PRKCE: variants seen among roughly 807,000 people sequenced by gnomAD.
PRKCE encodes the protein protein kinase C epsilon type.
A neutral mutation model predicts 85.4 loss-of-function variants in PRKCE; 16 were observed. The observed-to-expected ratio is 0.19, with a 90% CI of 0.13 to 0.28. The LOEUF is 0.28. Ranked by LOEUF, PRKCE falls within the 10% of genes least tolerant of loss-of-function variation. The pLI is 1.00. For missense variants in PRKCE, 573 were observed against 975.2 expected, an observed-to-expected ratio of 0.59 and a Z score of 5.49; for synonymous variants, 388 against 371.5, an observed-to-expected ratio of 1.04 and a Z score of -0.51.
At chr2:46,134,090 A>G (rs1468201896) in intron 11 of PRKCE, among the ~76,000 whole-genome samples, 2 of 152,240 alleles carry the variant, frequency 1.3e-5, no homozygotes, top group African/African-American at 2.4e-5. Flanking sequence ...ATAATTTTCA[A>G]TAAAAATGTT....
chr2:46,018,229 TCA>T (rs1706332210), intron 10 of PRKCE, among the ~76,000 whole-genome samples: 1 of 152,198 alleles, frequency 6.6e-6, no homozygotes, highest in East Asian at 1.9e-4. Context: ...GATGAGGCCC[TCA>T]CACTTGTCTG....
At chr2:46,128,033 A>T (rs184410725) in intron 11 of PRKCE, among the ~76,000 whole-genome samples, 1 of 152,248 alleles carries the variant, frequency 6.6e-6, no homozygotes, top group Non-Finnish European at 1.5e-5. Context: ...TTTGTGGCAG[A>T]CAGAGTCTGC....
intron 1 of PRKCE, among the ~76,000 whole-genome samples, chr2:45,836,639 G>T (rs1690902119): frequency 6.6e-6 from 1 of 152,202 alleles, no homozygotes; most frequent in Admixed American, 6.5e-5. Flanking sequence ...CATCAGTGAA[G>T]GGGTACAGGA....
chr2:45,847,100 C>T (rs1470109533), intron 2 of PRKCE, among the ~76,000 whole-genome samples: 2 of 152,242 alleles, frequency 1.3e-5, no homozygotes, highest in Non-Finnish European at 2.9e-5. Context: ...CGATTGCTTT[C>T]TGCACAGTTC....
Position 46,138,446 on chromosome 2 carries a change from C to A in PRKCE, c.1593-6647C>A, listed in dbSNP as rs1675203124. ...GCCTCAGTTTCCTCATACATTTAAA[C>A]ATGTGGGTTGAGGATGCCAATTAGC... is the stretch of plus-strand genomic sequence containing the variant. On this transcript the variant is annotated intron_variant, in intron 11 of 14. Transcript: ENST00000306156. The surrounding 1 kb of genome is among the most constrained non-coding windows in gnomAD (Gnocchi z 4.2). 6.6e-6 allele frequency among the ~76,000 whole-genome samples: 1 copy of A among 152,204 alleles called. No homozygotes were observed. Among genetic ancestry groups the A allele is most frequent in the Non-Finnish European group, 1.5e-5 (1 of 68,044 alleles).
chr2:46,174,670 G>A (rs554796363), intron 14 of PRKCE, among the ~76,000 whole-genome samples: 11 of 152,152 alleles, frequency 7.2e-5, no homozygotes, highest in Admixed American at 1.3e-4. Flanking sequence ...CCACTCATTA[G>A]AGAGAAAAGG....
At chr2:45,777,289 G>A (rs1448724282) in intron 1 of PRKCE, among the ~76,000 whole-genome samples, 1 of 152,020 alleles carries the variant, frequency 6.6e-6, no homozygotes, top group Non-Finnish European at 1.5e-5. Context: ...TTTTAAGTAG[G>A]CCGAGTCAGC....
intron 11 of PRKCE, among the ~76,000 whole-genome samples, chr2:46,098,259 T>G (rs777534684): frequency 1.3e-5 from 2 of 152,194 alleles, no homozygotes; most frequent in Admixed American, 6.5e-5. Context: ...TCTGTGATGT[T>G]GGGCAAAGAA....
At chr2:45,842,331 T>G (rs61763779) in intron 1 of PRKCE, among the ~76,000 whole-genome samples, 2 of 152,196 alleles carry the variant, frequency 1.3e-5, no homozygotes, top group Non-Finnish European at 2.9e-5. Flanking sequence ...TCAGATACTT[T>G]ATCAGTTCTT....
intron 2 of PRKCE, among the ~76,000 whole-genome samples, chr2:45,874,824 C>A (rs1301408133): frequency 6.6e-6 from 1 of 152,128 alleles, no homozygotes; most frequent in East Asian, 1.9e-4. Context: ...GAATATGCCA[C>A]CAAACAGCTA....
At chr2:46,092,918 C>T (rs1387889474) in intron 11 of PRKCE, among the ~76,000 whole-genome samples, 2 of 152,152 alleles carry the variant, frequency 1.3e-5, no homozygotes, top group Admixed American at 6.5e-5. Context: ...GAAGGTCTAA[C>T]GTGTAGTCTC....
At chr2:46,170,255 G>A (rs530461304) in intron 14 of PRKCE, among the ~76,000 whole-genome samples, 119 of 152,236 alleles carry the variant, frequency 7.8e-4, no homozygotes, top group Non-Finnish European at 1.5e-3. Flanking sequence ...GATTAGATTC[G>A]TCTTTTCTAG....
At chr2:45,937,368 G>A (rs1699538047) in intron 2 of PRKCE, among the ~76,000 whole-genome samples, 1 of 152,198 alleles carries the variant, frequency 6.6e-6, no homozygotes, top group Non-Finnish European at 1.5e-5. Flanking sequence ...TTATGGGATG[G>A]AGGCTAACAC....
chr2:45,862,565 C>G (rs989807172), intron 2 of PRKCE, among the ~76,000 whole-genome samples: 3 of 152,166 alleles, frequency 2.0e-5, no homozygotes, highest in Non-Finnish European at 2.9e-5. Flanking sequence ...GTAGGGGATT[C>G]TTTGGCTGGA....
intron 14 of PRKCE, among the ~76,000 whole-genome samples, chr2:46,181,992 G>T (rs540979754): frequency 6.6e-6 from 1 of 152,256 alleles, no homozygotes; most frequent in East Asian, 1.9e-4. Context: ...CCTGGGCAAG[G>T]CTCGTCCTTA....
At position 45,907,068 on chromosome 2, in the gene PRKCE, AAGTGG is replaced by A. The variant is rs148267296; in HGVS notation, c.412+64006_412+64010del. ...CTCCAAAATTAGGCGTCGGAGGTCT[AAGTGG>A]TATAGACGGAAGGAAGGCGGTCAGA... On this transcript the variant is annotated intron_variant, in intron 2 of 14. Transcript: ENST00000306156. The surrounding 1 kb of genome is among the most constrained non-coding windows in gnomAD (Gnocchi z 4.5). Among the ~76,000 whole-genome samples, 11,799 of 152,206 alleles carry A rather than the reference AAGTGG, an allele frequency of 0.078. 942 individuals carry two copies. Among genetic ancestry groups the A allele is most frequent in the East Asian group, 0.42 (2,139 of 5,152 alleles).
Position 46,041,840 on chromosome 2 carries a change from C to T in PRKCE, c.1437+31323C>T, listed in dbSNP as rs1012077661. 6.6e-6 allele frequency among the ~76,000 whole-genome samples: 1 copy of T among 152,232 alleles called. No homozygotes were observed. Among genetic ancestry groups the T allele is most frequent in the African/African-American group, 2.4e-5 (1 of 41,466 alleles). ...GGCCAACAATTTGATGTTGAAAAAA[C>T]CAGCCTCCATGTTAACATGTCGGCT... On this transcript the variant is annotated intron_variant, in intron 10 of 14. Coordinates refer to ENST00000306156, the MANE Select transcript of PRKCE (RefSeq NM_005400.3). This position sits in a 1 kb window ranked among gnomAD's most constrained non-coding sequence, Gnocchi z 5.5.
At chr2:45,789,265 T>C (rs1236260494) in intron 1 of PRKCE, among the ~76,000 whole-genome samples, 1 of 152,174 alleles carries the variant, frequency 6.6e-6, no homozygotes, top group Admixed American at 6.5e-5. Flanking sequence ...GGATTTTGTA[T>C]AATAATGTGA....
chr2:45,772,882 C>T (rs972984083), intron 1 of PRKCE, among the ~76,000 whole-genome samples: 9 of 152,164 alleles, frequency 5.9e-5, no homozygotes, highest in African/African-American at 1.7e-4. Context: ...GTGCTGTACC[C>T]GTGACACCCT....
Sources: allele counts gnomAD v4.1 joint callset (sites outside exome capture counted in the v4.1 genomes callset), GRCh38; gene constraint gnomAD v4.1.1; non-coding constraint Gnocchi (gnomAD v3.1); transcripts MANE v1.5; gene names NCBI Gene and HGNC (gene_info 2026-07-23, HGNC 2026-07-21).